Variants in PRKG1 observed in about 807,000 individuals in gnomAD.
The protein encoded by PRKG1 is cGMP-dependent protein kinase 1.
A neutral mutation model predicts 88.1 loss-of-function variants in PRKG1; 35 were observed. The ratio of observed to expected loss-of-function variants is 0.40; its 90% CI spans 0.30 to 0.53. The LOEUF is 0.53. Among genes scored for constraint, PRKG1 ranks in the 20% least tolerant of loss-of-function variants. The probability of loss-of-function intolerance (pLI) is 0.59; values close to 1 mark genes in which losing one functional copy is unlikely to be tolerated. For synonymous variants in PRKG1, 303 were observed against 292.5 expected (o/e 1.04, Z -0.37); for missense variants, 540 against 839.8 (o/e 0.64, Z 4.41).
At chr10:52,175,920 A>G (rs777177119) in intron 9 of PRKG1, among the ~76,000 whole-genome samples, 1 of 152,022 alleles carries the variant, frequency 6.6e-6, no homozygotes, top group Non-Finnish European at 1.5e-5. Flanking sequence ...ATAGTTTGCA[A>G]ATATTTTCTC....
chr10:51,684,280 C>T (rs1274944629), intron 3 of PRKG1, among the ~76,000 whole-genome samples: 2 of 151,936 alleles, frequency 1.3e-5, no homozygotes, highest in Non-Finnish European at 1.5e-5. Flanking sequence ...AGGAAATATC[C>T]AGAATATCTA....
At chr10:51,677,705 C>A (rs891194086) in intron 3 of PRKG1, among the ~76,000 whole-genome samples, 1 of 152,176 alleles carries the variant, frequency 6.6e-6, no homozygotes, top group East Asian at 1.9e-4. Context: ...ATAATGCCAG[C>A]CACTAAAGCA....
At chr10:51,838,503 A>G (rs1311958335) in intron 4 of PRKG1, among the ~76,000 whole-genome samples, 1 of 152,228 alleles carries the variant, frequency 6.6e-6, no homozygotes, top group East Asian at 1.9e-4. Context: ...CTGGGACTCA[A>G]TCAAATCTCC....
At chr10:51,549,269 T>C (rs1169207346) in intron 3 of PRKG1, among the ~76,000 whole-genome samples, 1 of 151,284 alleles carries the variant, frequency 6.6e-6, no homozygotes, top group African/African-American at 2.4e-5. Flanking sequence ...GGATTACAGG[T>C]GCGTGCCACC....
chr10:51,128,091 G>A (rs964661293), intron 1 of PRKG1, among the ~76,000 whole-genome samples: 10 of 152,072 alleles, frequency 6.6e-5, no homozygotes, highest in African/African-American at 2.4e-4. Context: ...AAACCTCCAT[G>A]TTTGGGGCAT....
intron 6 of PRKG1, among the ~76,000 whole-genome samples, chr10:52,057,497 C>T (rs1846138089): frequency 6.6e-6 from 1 of 152,130 alleles, no homozygotes; most frequent in African/African-American, 2.4e-5. Context: ...TGCATATGTC[C>T]CTGCAGTTGT....
intron 2 of PRKG1, among the ~76,000 whole-genome samples, chr10:51,460,564 C>T (rs1839718976): frequency 6.6e-6 from 1 of 152,098 alleles, no homozygotes; most frequent in Non-Finnish European, 1.5e-5. Context: ...TATGGCCTGT[C>T]TTTAGCTTTC....
intron 5 of PRKG1, among the ~76,000 whole-genome samples, chr10:52,029,332 A>G (rs1364521591): frequency 6.6e-6 from 1 of 152,068 alleles, no homozygotes; most frequent in African/African-American, 2.4e-5. Flanking sequence ...GGATTCACAA[A>G]TCTCTCCACC....
At chr10:51,197,280 A>T (rs572852399) in intron 2 of PRKG1, among the ~76,000 whole-genome samples, 2 of 152,042 alleles carry the variant, frequency 1.3e-5, no homozygotes, top group Admixed American at 1.3e-4. Context: ...TATTTATTTA[A>T]ATTGTTTTTT....
At chr10:52,251,419 T>G in intron 9 of PRKG1, 151 bp from the exon 10 acceptor site, 1 of 618,760 alleles carries the variant, frequency 1.6e-6, no homozygotes, top group Non-Finnish European at 2.8e-6. Flanking sequence ...ACCAAAAAAT[T>G]ATGAGTGTGA....
chr10:51,958,895 A>T (rs1008127079), intron 5 of PRKG1, among the ~76,000 whole-genome samples: 1 of 152,152 alleles, frequency 6.6e-6, no homozygotes, highest in Non-Finnish European at 1.5e-5. Flanking sequence ...TCCAAGCCCA[A>T]TATTTTACAG....
chr10:51,717,149 A>C (rs1195347822), intron 3 of PRKG1, among the ~76,000 whole-genome samples: 3 of 152,246 alleles, frequency 2.0e-5, no homozygotes, highest in Non-Finnish European at 4.4e-5. Context: ...CGACGTACCC[A>C]GGTCTGAAAA....
At chr10:52,025,502 T>A (rs1048882253) in intron 5 of PRKG1, among the ~76,000 whole-genome samples, 2 of 152,166 alleles carry the variant, frequency 1.3e-5, no homozygotes, top group African/African-American at 4.8e-5. Flanking sequence ...TTAATTTTTG[T>A]ATAAGGTATA....
intron 3 of PRKG1, among the ~76,000 whole-genome samples, chr10:51,493,554 CT>C (rs1159520354): frequency 6.6e-6 from 1 of 152,096 alleles, no homozygotes; most frequent in Non-Finnish European, 1.5e-5. Flanking sequence ...ATAACTTAAT[CT>C]GCTGCTCTGC....
chr10:51,275,445 G>C (rs1011311893), intron 2 of PRKG1, among the ~76,000 whole-genome samples: 8 of 152,150 alleles, frequency 5.3e-5, no homozygotes, highest in African/African-American at 1.9e-4. Flanking sequence ...AAATGTCTTT[G>C]CACATCATTT....
intron 5 of PRKG1, chr10:51,910,046 A>G (rs6480575): frequency 0.75 from 114,294 of 152,226 alleles, 43,430 homozygotes; most frequent in African/African-American, 0.87. Context: ...TGGAAAGCCT[A>G]TTCTGATATA....
chr10:51,395,218 G>T (rs1429966259), intron 2 of PRKG1, among the ~76,000 whole-genome samples: 1 of 152,086 alleles, frequency 6.6e-6, no homozygotes, highest in Non-Finnish European at 1.5e-5. Context: ...CCCACTCTTT[G>T]CAAGTCTCTG....
chr10:51,026,061 A>T (rs61849708), intron 1 of PRKG1, among the ~76,000 whole-genome samples: 1,864 of 152,214 alleles, frequency 0.012, 25 homozygotes, highest in Middle Eastern at 0.034. Flanking sequence ...AAAAACAGAG[A>T]TTGGGGTGAT....
chr10:51,288,549 G>C (rs1276306654), intron 2 of PRKG1, among the ~76,000 whole-genome samples: 4 of 152,106 alleles, frequency 2.6e-5, no homozygotes, highest in African/African-American at 9.7e-5. Flanking sequence ...CATCATTTGA[G>C]GTTGTTAATC....
Sources: gnomAD v4.1 joint callset for allele counts (sites outside exome capture counted in the v4.1 genomes callset) on GRCh38, gnomAD v4.1.1 for gene constraint, MANE v1.5 for transcripts, NCBI Gene and HGNC (gene_info 2026-07-23, HGNC 2026-07-21) for gene names.